Variants in SYNE2 observed in about 807,000 individuals in gnomAD.
The protein encoded by SYNE2 is spectrin repeat containing nuclear envelope protein 2.
A neutral mutation model predicts 856.3 loss-of-function variants in SYNE2; 431 were observed. The ratio of observed to expected loss-of-function variants is 0.50; its 90% CI spans 0.47 to 0.55. The LOEUF is 0.55. Ranked by LOEUF, SYNE2 falls within the 20% of genes least tolerant of loss-of-function variation. SYNE2 has a pLI of 0.00. For synonymous variants in SYNE2, 2,923 were observed against 2,872.3 expected, an observed-to-expected ratio of 1.02 and a Z score of -0.56; for missense variants, 8,129 against 8,023.2, an observed-to-expected ratio of 1.01 and a Z score of -0.50.
At chr14:64,194,880 G>A (rs1036119944) in intron 99 of SYNE2, among the ~76,000 whole-genome samples, 1 of 152,166 alleles carries the variant, frequency 6.6e-6, no homozygotes, top group Non-Finnish European at 1.5e-5. Context: ...GAGTTGACCT[G>A]CCACCTGATC....
intron 1 of SYNE2, among the ~76,000 whole-genome samples, chr14:63,855,850 C>G (rs894878616): frequency 6.6e-6 from 1 of 152,110 alleles, no homozygotes; most frequent in Admixed American, 6.5e-5. Flanking sequence ...AGCAGGTCCT[C>G]AATAACTTGA....
At chr14:63,879,406 G>T (rs2094806273) in intron 1 of SYNE2, among the ~76,000 whole-genome samples, 1 of 152,170 alleles carries the variant, frequency 6.6e-6, no homozygotes, top group Non-Finnish European at 1.5e-5. Flanking sequence ...AGAGATCCAG[G>T]AGGCCATGAA....
At chr14:63,807,011 C>T (rs1888388306) in intron 1 of SYNE2, among the ~76,000 whole-genome samples, 1 of 151,952 alleles carries the variant, frequency 6.6e-6, no homozygotes, top group African/African-American at 2.4e-5. Flanking sequence ...CACTGAAGCC[C>T]ATCCACATTT....
intron 70 of SYNE2, among the ~76,000 whole-genome samples, chr14:64,123,180 C>T (rs531675751): frequency 1.3e-5 from 2 of 152,152 alleles, no homozygotes; most frequent in Non-Finnish European, 2.9e-5. Flanking sequence ...TTGGAATCTA[C>T]CATGTGCCAA....
At chr14:64,129,232 G>T (rs1167669814) in intron 74 of SYNE2, among the ~76,000 whole-genome samples, 1 of 152,210 alleles carries the variant, frequency 6.6e-6, no homozygotes, top group Non-Finnish European at 1.5e-5. Context: ...GCTTGAGCTT[G>T]GGGGGCGGAG....
chr14:63,950,566 CAT>C (rs1491025313), intron 7 of SYNE2, among the ~76,000 whole-genome samples: 3 of 152,010 alleles, frequency 2.0e-5, no homozygotes, highest in African/African-American at 7.3e-5. Context: ...CACACACACA[CAT>C]ACAACAAAAC....
At position 63,771,106 on chromosome 14, in the gene SYNE2, G is replaced by T. The variant is rs796801505; in HGVS notation, c.-305+9120G>T. On this transcript the variant is annotated intron_variant, in intron 1 of 23. Transcript: ENST00000674003. Reference sequence around the variant, plus strand: ...TTTTTTTGAGACGGAGTCTCGCTCTGTGGCCCAGGCGGGAGCGCAGTGGCG... The same window carrying T: ...TTTTTTTGAGACGGAGTCTCGCTCTTTGGCCCAGGCGGGAGCGCAGTGGCG... Among the ~76,000 whole-genome samples, 122 of 124,172 alleles carry T rather than the reference G, an allele frequency of 9.8e-4. 1 individual carries two copies. The highest frequency in any genetic ancestry group is 6.8e-3 in the Middle Eastern group (1 of 146). 81.5% of individuals were successfully genotyped at this position (124,172 alleles called of 152,430 possible).
At chr14:63,857,328 G>T (rs959029737) in intron 1 of SYNE2, among the ~76,000 whole-genome samples, 3 of 152,024 alleles carry the variant, frequency 2.0e-5, no homozygotes, top group Non-Finnish European at 4.4e-5. Context: ...TTATTGTTAA[G>T]TAATACTCCA....
chr14:63,773,322 C>T (rs1217181050), intron 1 of SYNE2, among the ~76,000 whole-genome samples: 2 of 152,126 alleles, frequency 1.3e-5, no homozygotes, highest in Middle Eastern at 3.4e-3. Context: ...ACCTCAGGCC[C>T]CTAAGTAGCT....
intron 1 of SYNE2, among the ~76,000 whole-genome samples, chr14:63,815,205 C>CATATATATATAGATATATAT (rs1316734811): frequency 2.1e-5 from 2 of 94,610 alleles, no homozygotes; most frequent in Non-Finnish European, 4.3e-5. Context: ...TATATATATC[C>CATATATATATAGATATATAT]ATATATATAT....
intron 39 of SYNE2, 49 bp from the exon 40 acceptor site, chr14:64,024,863 A>G: frequency 6.2e-7 from 1 of 1,608,522 alleles, no homozygotes; most frequent in Non-Finnish European, 8.5e-7. Context: ...TCTTTGGTAT[A>G]AACACTTTTT....
chr14:64,195,454 A>G (rs1472303064), intron 99 of SYNE2, among the ~76,000 whole-genome samples: 1 of 152,230 alleles, frequency 6.6e-6, no homozygotes, highest in Non-Finnish European at 1.5e-5. Context: ...CTTTCCTAGT[A>G]CCGTATGACC....
At chr14:63,864,513 G>T (rs762477944) in intron 1 of SYNE2, 1 of 152,182 alleles carries the variant, frequency 6.6e-6, no homozygotes, top group African/African-American at 2.4e-5. Context: ...TCTTGCAGTC[G>T]GTCATGTGTT....
intron 99 of SYNE2, among the ~76,000 whole-genome samples, chr14:64,194,804 C>CA (rs1234262895): frequency 2.6e-5 from 4 of 152,196 alleles, no homozygotes; most frequent in African/African-American, 9.6e-5. Flanking sequence ...ACAGCCAGCA[C>CA]GGGCCAAAGC....
At chr14:64,195,325 CATGTT>C (rs2098536205) in intron 99 of SYNE2, among the ~76,000 whole-genome samples, 1 of 152,148 alleles carries the variant, frequency 6.6e-6, no homozygotes. Context: ...TGGAAGATGT[CATGTT>C]ATAACATGTC....
At chr14:64,143,074 G>A (rs1227573088) in intron 82 of SYNE2, among the ~76,000 whole-genome samples, 1 of 152,158 alleles carries the variant, frequency 6.6e-6, no homozygotes, top group Non-Finnish European at 1.5e-5. Context: ...CCTAACTTCA[G>A]TGTGTAGTAA....
chr14:64,162,010 T>C lies in SYNE2; in HGVS notation c.16095-62T>C, dbSNP rs950080358. The C allele has an allele frequency of 8.8e-6, 14 of 1,589,862 alleles. No individual in the cohort carries two copies. The Admixed American group carries it at 1.2e-4, about 13-fold the overall frequency. Reference sequence around the variant, plus strand: ...TAACTTACCAGTAGAGTGTGTGCATTGTACTTTCGCTACAAGAGAAAGGAG... The same window carrying C: ...TAACTTACCAGTAGAGTGTGTGCATCGTACTTTCGCTACAAGAGAAAGGAG... On this transcript the variant is annotated intron_variant, in intron 87 of 115. Transcript: ENST00000555002.
chr14:64,196,277 T>C (rs2098540272), intron 99 of SYNE2, among the ~76,000 whole-genome samples: 1 of 152,178 alleles, frequency 6.6e-6, no homozygotes, highest in Non-Finnish European at 1.5e-5. Context: ...AGAATAAGGC[T>C]GGGAATGAGT....
chr14:63,865,724 C>CCCCCCCA (rs1555352398), intron 1 of SYNE2, among the ~76,000 whole-genome samples: 1 of 95,352 alleles, frequency 1.0e-5, no homozygotes, highest in Admixed American at 1.1e-4. Flanking sequence ...ACCCCCCCCC[C>CCCCCCCA]AAAAAAAAAG....
Sources: gnomAD v4.1 joint callset for allele counts (sites outside exome capture counted in the v4.1 genomes callset) on GRCh38, gnomAD v4.1.1 for gene constraint, MANE v1.5 for transcripts, NCBI Gene and HGNC (gene_info 2026-07-23, HGNC 2026-07-21) for gene names.